Variants in EYS observed in about 807,000 individuals in gnomAD.
EYS encodes the protein EGF-like photoreceptor maintenance factor.
Under a neutral mutation model 282.1 loss-of-function variants are expected in EYS, and 250 were observed. The observed-to-expected ratio is 0.89, with a 90% CI of 0.80 to 0.98. The LOEUF (loss-of-function observed/expected upper bound fraction) is 0.98, where lower values mean the gene tolerates loss of function less well. Ranked by LOEUF, EYS falls within the 50% of genes least tolerant of loss-of-function variation. The pLI, the probability that EYS is intolerant of heterozygous loss-of-function variation, is 0.00. For missense variants in EYS, 4,016 were observed against 3,709.0 expected (o/e 1.08, Z -2.15); for synonymous variants, 1,355 against 1,282.9 (o/e 1.06, Z -1.20).
chr6:64,666,045 T>C (rs1182437736), intron 22 of EYS, among the ~76,000 whole-genome samples: 1 of 152,036 alleles, frequency 6.6e-6, no homozygotes, highest in Non-Finnish European at 1.5e-5. Flanking sequence ...TAAAAACATA[T>C]GAACACAAAG....
chr6:64,817,549 C>T (rs1435685419), intron 21 of EYS, among the ~76,000 whole-genome samples: 1 of 152,062 alleles, frequency 6.6e-6, no homozygotes, highest in African/African-American at 2.4e-5. Context: ...GGGTGTATTG[C>T]ACTTGGGTAG....
At chr6:64,898,368 A>G (rs1177407672) in intron 18 of EYS, among the ~76,000 whole-genome samples, 1 of 152,116 alleles carries the variant, frequency 6.6e-6, no homozygotes, top group African/African-American at 2.4e-5. Context: ...TCACAAGTGA[A>G]GGAGAAATAA....
intron 13 of EYS, among the ~76,000 whole-genome samples, chr6:65,030,397 C>T (rs1482979386): frequency 6.6e-6 from 1 of 152,074 alleles, no homozygotes; most frequent in Non-Finnish European, 1.5e-5. Context: ...CGCACAGCAT[C>T]CCCACACTGC....
At chr6:64,306,288 G>C (rs1051156135) in intron 30 of EYS, among the ~76,000 whole-genome samples, 2 of 152,218 alleles carry the variant, frequency 1.3e-5, no homozygotes, top group East Asian at 1.9e-4. Context: ...CTTTTATGCT[G>C]TCCTGTGATC....
chr6:64,785,910 A>G (rs1427102380), intron 22 of EYS, among the ~76,000 whole-genome samples: 1 of 152,236 alleles, frequency 6.6e-6, no homozygotes, highest in South Asian at 2.1e-4. Flanking sequence ...TCAAAATGTC[A>G]GTAAATACTT....
intron 30 of EYS, among the ~76,000 whole-genome samples, chr6:64,253,750 A>AGGG (rs71551575): frequency 3.9e-4 from 59 of 151,742 alleles, no homozygotes; most frequent in African/African-American, 1.4e-3. Context: ...GACTTAGTGC[A>AGGG]GGGGGGTTTA....
At chr6:65,180,606 A>G (rs576085634) in intron 12 of EYS, among the ~76,000 whole-genome samples, 1 of 152,284 alleles carries the variant, frequency 6.6e-6, no homozygotes, top group South Asian at 2.1e-4. Flanking sequence ...AGGAAGAATC[A>G]ATATCGTGAA....
chr6:64,599,773 C>T (rs1307682985), intron 24 of EYS, among the ~76,000 whole-genome samples: 1 of 152,176 alleles, frequency 6.6e-6, no homozygotes, highest in East Asian at 1.9e-4. Context: ...GCTCCAGAAC[C>T]CACACTTCAA....
chr6:64,367,422 A>G (rs1309693621), intron 29 of EYS, among the ~76,000 whole-genome samples: 1 of 152,060 alleles, frequency 6.6e-6, no homozygotes, highest in Non-Finnish European at 1.5e-5. Context: ...GTCAAAATAT[A>G]GAGACTTCTG....
intron 33 of EYS, among the ~76,000 whole-genome samples, chr6:64,055,793 G>A (rs72876815): frequency 0.069 from 10,515 of 152,168 alleles, 527 homozygotes; most frequent in Middle Eastern, 0.12. Context: ...GAGAACAGTC[G>A]CTAACACAGG....
At chr6:63,822,223 C>T (rs1199676189) in intron 36 of EYS, 1 of 152,204 alleles carries the variant, frequency 6.6e-6, no homozygotes, top group African/African-American at 2.4e-5. Context: ...AAATGATTCT[C>T]CTGCCTCTGC....
intron 22 of EYS, among the ~76,000 whole-genome samples, chr6:64,766,649 A>AAAAAAAAAAAAAAATATATATAT (rs1387919586): frequency 5.2e-5 from 1 of 19,064 alleles, no homozygotes; most frequent in African/African-American, 1.8e-4. Flanking sequence ...AAAAAAAAAA[A>AAAAAAAAAAAAAAATATATATAT]ATATATATAT....
chr6:65,484,712 G>C (rs536920433), intron 5 of EYS, among the ~76,000 whole-genome samples: 23 of 152,286 alleles, frequency 1.5e-4, no homozygotes, highest in African/African-American at 5.5e-4. Context: ...TGTTATATGT[G>C]AGAGGAAAAT....
rs1280677776 is a variant in EYS at position 64,095,330 on chromosome 6, ATCTG to A, written c.6425-13332_6425-13329del. Among the ~76,000 whole-genome samples, 12 of 152,190 alleles carry A rather than the reference ATCTG, an allele frequency of 7.9e-5. No individual in the cohort carries two copies. In the East Asian group the frequency reaches 2.3e-3, roughly 29 times the overall value. On this transcript the variant is annotated intron_variant, in intron 31 of 42. Transcript: ENST00000503581. Reference sequence around the variant, plus strand: ...TCCTTGTTAACTTTCTGTCTCGTTGATCTGTCTAATGTTGACAGTGGGGTGTTAA... The same window carrying A: ...TCCTTGTTAACTTTCTGTCTCGTTGATCTAATGTTGACAGTGGGGTGTTAA...
chr6:65,043,470 G>A (rs1773000619), intron 13 of EYS, among the ~76,000 whole-genome samples: 1 of 151,460 alleles, frequency 6.6e-6, no homozygotes, highest in South Asian at 2.1e-4. Context: ...TAGTTACACT[G>A]CTATGTAATA....
At chr6:65,266,045 G>T (rs1767744505) in intron 12 of EYS, among the ~76,000 whole-genome samples, 1 of 144,248 alleles carries the variant, frequency 6.9e-6, no homozygotes, top group Non-Finnish European at 1.5e-5. Context: ...TGCCTTGTAA[G>T]TAAGAAATAC....
intron 1 of EYS, among the ~76,000 whole-genome samples, chr6:65,686,324 A>G (rs1769012436): frequency 6.6e-6 from 1 of 152,042 alleles, no homozygotes; most frequent in Non-Finnish European, 1.5e-5. Context: ...AAAATCTAAT[A>G]TGGGACAGAA....
chr6:65,111,547 C>T, intron 12 of EYS, among the ~76,000 whole-genome samples: 1 of 152,142 alleles, frequency 6.6e-6, no homozygotes, highest in East Asian at 1.9e-4. Flanking sequence ...GGACTGCCTG[C>T]CAAAATGGCA....
chr6:63,777,669 A>G (rs74776632), intron 40 of EYS: 3,454 of 191,152 alleles, frequency 0.018, 42 homozygotes, highest in Middle Eastern at 0.032. Context: ...AAACCTACAT[A>G]TGAAAGCAAA....
Sources: allele counts gnomAD v4.1 joint callset (sites outside exome capture counted in the v4.1 genomes callset), GRCh38; gene constraint gnomAD v4.1.1; transcripts MANE v1.5; gene names NCBI Gene and HGNC (gene_info 2026-07-23, HGNC 2026-07-21).